Variants in MYO16 observed in about 807,000 individuals in gnomAD.
MYO16 encodes myosin XVI.
In MYO16, 94 loss-of-function variants were observed where a neutral mutation model predicts 205.3. The ratio of observed to expected loss-of-function variants is 0.46; its 90% CI spans 0.39 to 0.54. The LOEUF is 0.54. Ranked by LOEUF, MYO16 falls within the 20% of genes least tolerant of loss-of-function variation. The pLI, the probability that MYO16 is intolerant of heterozygous loss-of-function variation, is 0.00. For synonymous variants in MYO16, 988 were observed against 954.0 expected, an observed-to-expected ratio of 1.04 and a Z score of -0.66; for missense variants, 2,315 against 2,387.5, an observed-to-expected ratio of 0.97 and a Z score of 0.63.
At chr13:109,143,034 T>C (rs1877174507) in intron 32 of MYO16, among the ~76,000 whole-genome samples, 2 of 152,182 alleles carry the variant, frequency 1.3e-5, no homozygotes, top group South Asian at 4.1e-4. Flanking sequence ...CTGTGGGCAT[T>C]CTCATTTCAT....
chr13:108,804,548 A>G (rs1024626837), intron 6 of MYO16, among the ~76,000 whole-genome samples: 1 of 152,078 alleles, frequency 6.6e-6, no homozygotes, highest in Non-Finnish European at 1.5e-5. Flanking sequence ...TCTAGGTCTA[A>G]CATGTTCTTA....
intron 32 of MYO16, among the ~76,000 whole-genome samples, chr13:109,147,491 G>C (rs185927012): frequency 6.6e-6 from 1 of 152,166 alleles, no homozygotes; most frequent in South Asian, 2.1e-4. Context: ...ACATCGAAAC[G>C]AGACTGAAGT....
intron 23 of MYO16, among the ~76,000 whole-genome samples, chr13:109,023,413 C>A (rs1594479446): frequency 5.4e-5 from 4 of 73,452 alleles, no homozygotes; most frequent in African/African-American, 1.1e-4. Flanking sequence ...ATATATTATA[C>A]AGATATAAAT....
intron 2 of MYO16, among the ~76,000 whole-genome samples, chr13:108,711,584 A>G (rs533765011): frequency 6.6e-6 from 1 of 152,316 alleles, no homozygotes; most frequent in African/African-American, 2.4e-5. Context: ...CTGGAGAGGA[A>G]GCTTTGCATA....
intron 1 of MYO16, among the ~76,000 whole-genome samples, chr13:108,615,426 T>A (rs551834277): frequency 1.3e-5 from 2 of 152,252 alleles, no homozygotes; most frequent in South Asian, 4.1e-4. Flanking sequence ...TGTTATCACG[T>A]GATCCAGAAT....
At chr13:108,881,733 A>G (rs1233797169) in intron 12 of MYO16, among the ~76,000 whole-genome samples, 1 of 149,374 alleles carries the variant, frequency 6.7e-6, no homozygotes, top group Admixed American at 6.7e-5. Context: ...AAGTGAGAAG[A>G]GAAGTTTAGA....
At chr13:108,656,152 A>G (rs1348690127) in intron 1 of MYO16, among the ~76,000 whole-genome samples, 1 of 152,120 alleles carries the variant, frequency 6.6e-6, no homozygotes, top group African/African-American at 2.4e-5. Flanking sequence ...CTCATCTTGA[A>G]TTATTCTCCC....
chr13:108,715,753 C>T (rs1883919129), intron 3 of MYO16, among the ~76,000 whole-genome samples: 1 of 152,106 alleles, frequency 6.6e-6, no homozygotes, highest in Non-Finnish European at 1.5e-5. Flanking sequence ...ACAATGGGGC[C>T]ACAATTATTT....
At chr13:109,185,215 TAAC>T (rs978727533) in intron 34 of MYO16, among the ~76,000 whole-genome samples, 36 of 152,294 alleles carry the variant, frequency 2.4e-4, no homozygotes, top group African/African-American at 8.2e-4. Context: ...AAATTCTAGG[TAAC>T]AACAATTTCA....
chr13:108,676,571 G>A (rs1882220583), intron 2 of MYO16, among the ~76,000 whole-genome samples: 1 of 152,210 alleles, frequency 6.6e-6, no homozygotes, highest in African/African-American at 2.4e-5. Context: ...TAAGTCATCA[G>A]GATCAGGGTG....
At chr13:108,629,915 T>C (rs1879899647) in intron 1 of MYO16, 43 bp downstream of exon 1, 1 of 1,501,896 alleles carries the variant, frequency 6.7e-7, no homozygotes, top group Non-Finnish European at 8.9e-7. Context: ...ATTTGTCTTG[T>C]TGAAGTATTA....
rs74808153 is a variant in MYO16, at chr13:109,010,364, C to T, written c.2595+1315C>T. 4.7e-3 allele frequency among the ~76,000 whole-genome samples: 711 copies of T among 152,222 alleles called. 5 individuals carry two copies. Among genetic ancestry groups the T allele is most frequent in the African/African-American group, 0.016 (682 of 41,542 alleles). The stretch of plus-strand genomic sequence containing the variant: ...GCCCCATTCTTTTATTGCTTTATTT[C>T]AGACATCCAGAAAACATAACACACA... On this transcript the variant is annotated intron_variant, in intron 22 of 34. Transcript: ENST00000457511.
chr13:108,641,037 G>A (rs1880483044), intron 1 of MYO16, among the ~76,000 whole-genome samples: 1 of 152,156 alleles, frequency 6.6e-6, no homozygotes, highest in Non-Finnish European at 1.5e-5. Context: ...TCTTAAACTG[G>A]AGTTTCAAAT....
chr13:108,824,503 G>A (rs533605305), intron 9 of MYO16, among the ~76,000 whole-genome samples: 2 of 152,122 alleles, frequency 1.3e-5, no homozygotes, highest in South Asian at 4.1e-4. Context: ...TTGCCTTATG[G>A]CTAATATTTA....
chr13:108,689,743 G>A (rs1355712244), intron 2 of MYO16, among the ~76,000 whole-genome samples: 5 of 151,786 alleles, frequency 3.3e-5, no homozygotes, highest in African/African-American at 1.2e-4. Context: ...AGAAGTTAAA[G>A]CCGAAAAGCT....
At chr13:109,147,186 A>G (rs1191746899) in intron 32 of MYO16, among the ~76,000 whole-genome samples, 1 of 152,154 alleles carries the variant, frequency 6.6e-6, no homozygotes, top group East Asian at 1.9e-4. Flanking sequence ...AAAAAAAAAA[A>G]AGATTCTAAA....
intron 4 of MYO16, among the ~76,000 whole-genome samples, chr13:108,777,313 G>A (rs1240006321): frequency 6.6e-6 from 1 of 152,102 alleles, no homozygotes; most frequent in East Asian, 1.9e-4. Context: ...GTTTGAATAG[G>A]ATGCATTTAA....
intron 10 of MYO16, 70 bp downstream of exon 10, chr13:108,844,563 T>A: frequency 7.0e-7 from 1 of 1,429,086 alleles, no homozygotes; most frequent in African/African-American, 1.4e-5. Context: ...AAATCCAACA[T>A]ATTTCAAAAA....
the MYO16 span, among the ~76,000 whole-genome samples, chr13:108,533,050 A>G: frequency 3.9e-5 from 6 of 152,132 alleles, no homozygotes; most frequent in Non-Finnish European, 8.8e-5. Flanking sequence ...GTGGATTCCC[A>G]TCTGATGACT....
Sources: gnomAD v4.1 joint callset for allele counts (sites outside exome capture counted in the v4.1 genomes callset) on GRCh38, gnomAD v4.1.1 for gene constraint, MANE v1.5 for transcripts, NCBI Gene and HGNC (gene_info 2026-07-23, HGNC 2026-07-21) for gene names.